NKX6-3: variants seen among roughly 807,000 people sequenced by gnomAD.
NKX6-3 encodes NK6 homeobox 3.
Under a neutral mutation model 22.0 loss-of-function variants are expected in NKX6-3, and 17 were observed. That is an observed-to-expected ratio of 0.77 (90% CI 0.53 to 1.16). NKX6-3 has a LOEUF of 1.16. NKX6-3 is among the 50% of genes most tolerant of loss of function. The pLI is 0.00. For missense variants in NKX6-3, 363 were observed against 359.0 expected (o/e 1.01, Z -0.09); for synonymous variants, 177 against 167.2 (o/e 1.06, Z -0.45).
At position 41,645,774 on chromosome 8, in the gene NKX6-3, G is replaced by GA. The variant is rs1351087374; in HGVS notation, c.*674_*675insT. 6.6e-6 allele frequency: 1 copy of GA among 152,396 alleles called. No homozygotes were observed. Among genetic ancestry groups the GA allele is most frequent in the Admixed American group, 6.5e-5 (1 of 15,280 alleles). The allele number at this position is 152,396 out of a possible 1,614,324, so 9.4% of individuals were successfully genotyped here. A position where few individuals can be genotyped will look rare whatever the true frequency, so the allele number is the denominator to read the frequency against. ...CCAGGGGGATTTCCGCAGCTCAGGG[G>GA]CCGTCATCCTGCAGTGTCAGGGGCA... On this transcript the variant is annotated 3_prime_UTR_variant, in exon 3 of 3. Transcript: ENST00000518699.
chr8:41,645,309 A>C lies in NKX6-3; in HGVS notation c.*1140T>G, dbSNP rs1205818055. 3 of 145,914 alleles carry C rather than the reference A, an allele frequency of 2.1e-5. No individual in the cohort carries two copies. The highest frequency in any genetic ancestry group is 7.7e-5 in the African/African-American group (3 of 38,874). 9.0% of individuals were successfully genotyped at this position (145,914 alleles called of 1,614,324 possible). A position where few individuals can be genotyped will look rare whatever the true frequency, so the allele number is the denominator to read the frequency against. On this transcript the variant is annotated 3_prime_UTR_variant, in exon 3 of 3. Transcript: ENST00000518699. Reference sequence around the variant, plus strand: ...ACCCGCCTCCCCCAGCCCACCCCCTACCTGCCAGCAGCTCAGATCACCCGG... The same window carrying C: ...ACCCGCCTCCCCCAGCCCACCCCCTCCCTGCCAGCAGCTCAGATCACCCGG...
chr8:41,648,315 A>G, intron 1 of NKX6-3, 80 bp from the exon 2 acceptor site: 2 of 1,243,930 alleles, frequency 1.6e-6, no homozygotes, highest in Non-Finnish European at 2.2e-6. Flanking sequence ...GGCAACCACC[A>G]TGCCTGCCCC....
Position 41,646,287 on chromosome 8 carries a change from CTCCTCCT to C in NKX6-3, c.*155_*161del. ...TTTTCCTCCTCCTCCCCCGCCTCCC[CTCCTCCT>C]CCCCTGCACCTGCTGCTCCTCCTCC... On this transcript the variant is annotated 3_prime_UTR_variant, in exon 3 of 3. Transcript: ENST00000518699. 9.4e-6 allele frequency: 9 copies of C among 956,100 alleles called. No individual in the cohort carries two copies. The highest frequency in any genetic ancestry group is 3.3e-5 in the South Asian group (2 of 61,300). The allele number at this position is 956,100 out of a possible 1,614,324, so 59.2% of individuals were successfully genotyped here.
At position 41,650,552 on chromosome 8, in the gene NKX6-3, T is replaced by G. The variant is rs1383472136; in HGVS notation, c.-60A>C. 7 of 1,489,730 alleles carry G rather than the reference T, an allele frequency of 4.7e-6. No homozygotes were observed. Among genetic ancestry groups the G allele is most frequent in the African/African-American group, 1.4e-5 (1 of 71,636 alleles). 92.3% of individuals were successfully genotyped at this position (1,489,730 alleles called of 1,614,324 possible). A position where few individuals can be genotyped will look rare whatever the true frequency, so the allele number is the denominator to read the frequency against. The stretch of plus-strand genomic sequence containing the variant: ...GCCCCTAAAACCCAAGAGCCCACTC[T>G]CTAGCCCCAAATCTCATGGCAGGCC... On this transcript the variant is annotated 5_prime_UTR_variant, in exon 1 of 3. Transcript: ENST00000518699.
intron 2 of NKX6-3, chr8:41,647,132 A>T: frequency 6.5e-7 from 1 of 1,544,604 alleles, no homozygotes; most frequent in Non-Finnish European, 8.9e-7. Context: ...TTGTTCCCCT[A>T]GTTAGTTAGA....
intron 2 of NKX6-3, chr8:41,647,047 C>T (rs973849514): frequency 9.5e-6 from 8 of 845,802 alleles, no homozygotes; most frequent in African/African-American, 5.2e-5. Flanking sequence ...GGCTTAGCCC[C>T]GGTGCTCATT....
chr8:41,646,951 T>C (rs1474145734), intron 2 of NKX6-3, among the ~76,000 whole-genome samples: 9 of 26,042 alleles, frequency 3.5e-4, no homozygotes, highest in Non-Finnish European at 4.7e-4. Flanking sequence ...CCCCTCCCCC[T>C]CCCCCTCCCC....
At chr8:41,649,571 G>T (rs770919320) in intron 1 of NKX6-3, among the ~76,000 whole-genome samples, 50 of 152,220 alleles carry the variant, frequency 3.3e-4, no homozygotes, top group Non-Finnish European at 5.7e-4. Flanking sequence ...AGGCTACTTG[G>T]TGTGGCTGCT....
intron 2 of NKX6-3, chr8:41,647,265 CTGA>C (rs1389032532): frequency 1.2e-6 from 2 of 1,609,992 alleles, no homozygotes; most frequent in East Asian, 2.2e-5. Flanking sequence ...AGCTGAGCGG[CTGA>C]TGAGGAGGGC....
At chr8:41,649,171 G>C (rs565177843) in intron 1 of NKX6-3, among the ~76,000 whole-genome samples, 1 of 152,196 alleles carries the variant, frequency 6.6e-6, no homozygotes, top group Admixed American at 6.5e-5. Context: ...GGGGCACAGC[G>C]ATGGGTGGCA....
In NKX6-3 at chr8:41,645,774, G is replaced by A. The variant is rs2241895; in HGVS notation, c.*675C>T. 27,956 of 152,474 alleles carry A rather than the reference G, an allele frequency of 0.18. 2,990 individuals carry two copies. Among genetic ancestry groups the A allele is most frequent in the East Asian group, 0.35 (1,786 of 5,162 alleles). 9.4% of individuals were successfully genotyped at this position (152,474 alleles called of 1,614,324 possible). On this transcript the variant is annotated 3_prime_UTR_variant, in exon 3 of 3. Coordinates refer to ENST00000518699, the MANE Select transcript of NKX6-3 (RefSeq NM_001364841.2). Reference sequence around the variant, plus strand: ...CCAGGGGGATTTCCGCAGCTCAGGGGCCGTCATCCTGCAGTGTCAGGGGCA... The same window carrying A: ...CCAGGGGGATTTCCGCAGCTCAGGGACCGTCATCCTGCAGTGTCAGGGGCA...
At chr8:41,647,388 A>C (rs1008171677) in intron 2 of NKX6-3, 109 of 1,526,018 alleles carry the variant, frequency 7.1e-5, no homozygotes, top group Non-Finnish European at 9.3e-5. Context: ...CTGAGCCAGC[A>C]TCAAAGTGGG....
chr8:41,646,605 A>G lies in NKX6-3; in HGVS notation c.642T>C (p.Gly214=), dbSNP rs541901146. The G allele has an allele frequency of 1.9e-6, 3 of 1,566,738 alleles. No homozygotes were observed. The highest frequency in any genetic ancestry group is 2.3e-5 in the South Asian group (2 of 85,662). The change falls in exon 3 of 3, where the codon GGT becomes GGC. Residue 214 remains glycine (G), a synonymous_variant. Coordinates refer to ENST00000518699, the MANE Select transcript of NKX6-3 (RefSeq NM_001364841.2). ...SSTPRAPGGA[G]AGAGGDRAPS... is the part of the protein sequence containing the mutation. ...GTGCGCGGTCCCCGCCTGCGCCTGC[A>G]CCCGCGCCGCCCGGGGCCCGGGGCG...
At chr8:41,648,683 C>T (rs1430619772) in intron 1 of NKX6-3, among the ~76,000 whole-genome samples, 1 of 152,234 alleles carries the variant, frequency 6.6e-6, no homozygotes, top group Admixed American at 6.5e-5. Flanking sequence ...CCCAGGTCTC[C>T]AGGAAACCAG....
In NKX6-3 at chr8:41,646,171, C is replaced by CA; in HGVS notation, c.*277dup. On this transcript the variant is annotated 3_prime_UTR_variant, in exon 3 of 3. Coordinates refer to ENST00000518699, the MANE Select transcript of NKX6-3 (RefSeq NM_001364841.2). ...CTGGCAGGCGAGGCCCGAGGAGGTG[C>CA]AAGGGGCAGCGGCTTCCAGGTCTCA... 1 of 553,576 alleles carries CA rather than the reference C, an allele frequency of 1.8e-6. No individual in the cohort carries two copies. Among genetic ancestry groups the CA allele is most frequent in the South Asian group, 2.3e-5 (1 of 42,554 alleles). 34.3% of individuals were successfully genotyped at this position (553,576 alleles called of 1,614,324 possible).
At chr8:41,649,962 G>A in intron 1 of NKX6-3, 149 bp downstream of exon 1, 1 of 833,122 alleles carries the variant, frequency 1.2e-6, no homozygotes, top group Non-Finnish European at 1.8e-6. Context: ...AACTCAGCCT[G>A]CACTGAGCTG....
chr8:41,650,460 C>T lies in NKX6-3; in HGVS notation c.33G>A (p.Leu11=). 2 of 1,535,656 alleles carry T rather than the reference C, an allele frequency of 1.3e-6. No homozygotes were observed. The highest frequency in any genetic ancestry group is 1.2e-5 in the South Asian group (1 of 83,990). MESNLQGTFL[L]NNTPLAQFPE... is the part of the protein sequence containing the mutation. Reference sequence around the variant, plus strand: ...GAAACTGAGCCAGCGGCGTGTTGTTCAGCAGGAACGTCCCCTGCAGGTTGG... The same window carrying T: ...GAAACTGAGCCAGCGGCGTGTTGTTTAGCAGGAACGTCCCCTGCAGGTTGG... The change falls in exon 1 of 3, where the codon CTG becomes CTA. Residue 11 remains leucine, a synonymous_variant. Coordinates refer to ENST00000518699, the MANE Select transcript of NKX6-3 (RefSeq NM_001364841.2).
chr8:41,650,704 T>C lies in NKX6-3; in HGVS notation c.-212A>G. ...AGGTGCTCGGGGCAGGTGGGAGGCC[T>C]CCCCAGGGCTCCTGGCCTCTCTCCT... On this transcript the variant is annotated 5_prime_UTR_variant, in exon 1 of 3. Transcript: ENST00000518699. The C allele has an allele frequency of 5.4e-6, 3 of 551,904 alleles. No individual in the cohort carries two copies. Among genetic ancestry groups the C allele is most frequent in the Non-Finnish European group, 9.6e-6 (3 of 310,940 alleles). The allele number at this position is 551,904 out of a possible 1,614,324, so 34.2% of individuals were successfully genotyped here. A position where few individuals can be genotyped will look rare whatever the true frequency, so the allele number is the denominator to read the frequency against.
Position 41,650,215 on chromosome 8 carries a change from TGGG to T in NKX6-3, c.275_277del (p.Pro92del). 1 of 1,534,052 alleles carries T rather than the reference TGGG, an allele frequency of 6.5e-7. No homozygotes were observed. The highest frequency in any genetic ancestry group is 2.0e-5 in the Admixed American group (1 of 50,744). ...CCCAGCCTTGGAAAAATTCCCTACC[TGGG>T]GGCTGTAGTAGACCCCCTGCGAGCT... On this transcript the variant is annotated inframe_deletion, in exon 1 of 3. Coordinates refer to ENST00000518699, the MANE Select transcript of NKX6-3 (RefSeq NM_001364841.2).
Sources: allele counts gnomAD v4.1 joint callset (sites outside exome capture counted in the v4.1 genomes callset), GRCh38; gene constraint gnomAD v4.1.1; transcripts MANE v1.5; gene names NCBI Gene and HGNC (gene_info 2026-07-23, HGNC 2026-07-21).